Variants in SGCD observed in about 807,000 individuals in gnomAD.
The protein encoded by SGCD is delta-sarcoglycan.
SGCD carries 18 observed loss-of-function variants against 36.6 expected under a neutral mutation model. The observed-to-expected ratio is 0.49, with a 90% CI of 0.34 to 0.73. The LOEUF (loss-of-function observed/expected upper bound fraction) is 0.73. Ranked by LOEUF, SGCD falls within the 30% of genes least tolerant of loss-of-function variation. SGCD has a pLI of 0.01. For synonymous variants in SGCD, 133 were observed against 130.6 expected (o/e 1.02, Z -0.12); for missense variants, 387 against 346.7 (o/e 1.12, Z -0.92).
chr5:156,473,417 A>G (rs1206954873), intron 3 of SGCD, among the ~76,000 whole-genome samples: 2 of 152,250 alleles, frequency 1.3e-5, no homozygotes, highest in Non-Finnish European at 2.9e-5. Flanking sequence ...GGGATGATTC[A>G]TGCAGGATAG....
intron 7 of SGCD, among the ~76,000 whole-genome samples, chr5:156,706,694 A>G (rs1330385054): frequency 6.6e-6 from 1 of 152,154 alleles, no homozygotes; most frequent in Non-Finnish European, 1.5e-5. Context: ...GGAGGAATCA[A>G]TAGTCTGCTC....
intron 3 of SGCD, chr5:156,458,391 A>T: frequency 6.4e-7 from 1 of 1,557,712 alleles, no homozygotes; most frequent in South Asian, 1.1e-5. Flanking sequence ...CAAAAAGGAA[A>T]ACTTACTGTT....
intron 7 of SGCD, among the ~76,000 whole-genome samples, chr5:156,713,658 T>C (rs1274623862): frequency 6.6e-6 from 1 of 152,230 alleles, no homozygotes; most frequent in Non-Finnish European, 1.5e-5. Flanking sequence ...TTCATTTTAC[T>C]AATGTGGATT....
At chr5:156,495,630 T>C (rs1238161302) in intron 3 of SGCD, among the ~76,000 whole-genome samples, 1 of 152,180 alleles carries the variant, frequency 6.6e-6, no homozygotes. Context: ...CGGACTTTAC[T>C]GGTGGGAAGC....
chr5:155,894,223 T>A (rs1318721138), intron 1 of SGCD, among the ~76,000 whole-genome samples: 2 of 152,224 alleles, frequency 1.3e-5, no homozygotes, highest in Admixed American at 6.5e-5. Flanking sequence ...TGTAACTTTT[T>A]AAAAAGTTGT....
At chr5:156,717,803 G>A (rs533349607) in intron 7 of SGCD, among the ~76,000 whole-genome samples, 4 of 152,084 alleles carry the variant, frequency 2.6e-5, no homozygotes, top group Admixed American at 2.6e-4. Flanking sequence ...AGCTTGCTAT[G>A]TCTTTGCTTG....
intron 3 of SGCD, among the ~76,000 whole-genome samples, chr5:156,249,782 T>C (rs187757923): frequency 2.0e-5 from 3 of 152,248 alleles, no homozygotes; most frequent in African/African-American, 7.2e-5. Flanking sequence ...TAATCAACTG[T>C]ATATATAATG....
chr5:156,759,551 GATATAAATAT>G lies in SGCD; in HGVS notation c.*181_*190del, dbSNP rs562383472. ...TTGAGTGTGTTCGCGTGTGTGGGTG[GATATAAATAT>G]ATATAAATATATATAAATAAATATA... On this transcript the variant is annotated 3_prime_UTR_variant, in exon 9 of 9. Coordinates refer to ENST00000337851, the MANE Select transcript of SGCD (RefSeq NM_000337.6). 2.6e-4 allele frequency: 67 copies of G among 252,878 alleles called. No individual in the cohort carries two copies. Among genetic ancestry groups the G allele is most frequent in the East Asian group, 2.2e-3 (30 of 13,708 alleles). The allele number at this position is 252,878 out of a possible 1,614,324, so 15.7% of individuals were successfully genotyped here. A position where few individuals can be genotyped will look rare whatever the true frequency, so the allele number is the denominator to read the frequency against.
At chr5:156,147,264 T>A (rs1384771235) in intron 3 of SGCD, among the ~76,000 whole-genome samples, 1 of 152,192 alleles carries the variant, frequency 6.6e-6, no homozygotes, top group Non-Finnish European at 1.5e-5. Flanking sequence ...TAAATAGCAA[T>A]ATCAAACACT....
At chr5:156,517,254 T>C (rs1581106510) in intron 4 of SGCD, among the ~76,000 whole-genome samples, 1 of 152,136 alleles carries the variant, frequency 6.6e-6, no homozygotes, top group African/African-American at 2.4e-5. Context: ...GCCTGAAGAC[T>C]ATCTTACTGA....
chr5:156,643,143 C>T (rs1485856844), intron 6 of SGCD, among the ~76,000 whole-genome samples: 1 of 151,682 alleles, frequency 6.6e-6, no homozygotes, highest in East Asian at 1.9e-4. Flanking sequence ...AGGGATTCTC[C>T]TGCCTCAGCC....
the SGCD span, among the ~76,000 whole-genome samples, chr5:155,785,389 A>G: frequency 2.6e-5 from 4 of 152,324 alleles, no homozygotes; most frequent in East Asian, 7.7e-4. Flanking sequence ...TAATTAGCCT[A>G]TCCATCACCT....
chr5:155,779,973 T>C, the SGCD span, among the ~76,000 whole-genome samples: 1 of 152,204 alleles, frequency 6.6e-6, no homozygotes, highest in African/African-American at 2.4e-5. Context: ...CTATATAAAC[T>C]TTGGGGCAAT....
At chr5:155,941,558 A>G (rs1427642862) in intron 1 of SGCD, among the ~76,000 whole-genome samples, 1 of 151,028 alleles carries the variant, frequency 6.6e-6, no homozygotes, top group African/African-American at 2.4e-5. Context: ...TTAAATAATT[A>G]TATTGCTGTT....
chr5:155,958,036 AAG>A (rs1220352089), intron 1 of SGCD, among the ~76,000 whole-genome samples: 1 of 152,078 alleles, frequency 6.6e-6, no homozygotes, highest in Non-Finnish European at 1.5e-5. Context: ...AGGGCTTGAA[AAG>A]AGAGACAACG....
At chr5:156,315,820 T>C (rs1198906543) in intron 3 of SGCD, among the ~76,000 whole-genome samples, 3 of 152,008 alleles carry the variant, frequency 2.0e-5, no homozygotes, top group Non-Finnish European at 2.9e-5. Flanking sequence ...TGACTTTGAG[T>C]ATGTTTTCAT....
the SGCD span, among the ~76,000 whole-genome samples, chr5:155,773,327 C>A: frequency 6.6e-6 from 1 of 152,142 alleles, no homozygotes; most frequent in South Asian, 2.1e-4. Context: ...GAGTAACCTG[C>A]ATTTTAGTTA....
chr5:156,609,254 T>G lies in SGCD; in HGVS notation c.502+14203T>G, dbSNP rs1761654961. Among the ~76,000 whole-genome samples the G allele has an allele frequency of 3.3e-5, 5 of 152,206 alleles. No homozygotes were observed. The South Asian group carries it at 8.3e-4, about 25-fold the overall frequency. On this transcript the variant is annotated intron_variant, in intron 6 of 8. Coordinates refer to ENST00000337851, the MANE Select transcript of SGCD (RefSeq NM_000337.6). ...GGGCAGGCCTGGTGGTGACAAAATC[T>G]CTCAGCATTTGCTTGTCTGTAAAGT...
chr5:156,380,394 T>C (rs1469799318), intron 3 of SGCD, among the ~76,000 whole-genome samples: 1 of 152,222 alleles, frequency 6.6e-6, no homozygotes, highest in East Asian at 1.9e-4. Context: ...AAATACAACC[T>C]TCCTCCTACA....
Sources: gnomAD v4.1 joint callset for allele counts (sites outside exome capture counted in the v4.1 genomes callset) on GRCh38, gnomAD v4.1.1 for gene constraint, MANE v1.5 for transcripts, NCBI Gene and HGNC (gene_info 2026-07-23, HGNC 2026-07-21) for gene names.